UBR7: variants seen among roughly 807,000 people sequenced by gnomAD.
UBR7 encodes putative E3 ubiquitin-protein ligase UBR7.
Under a neutral mutation model 57.0 loss-of-function variants are expected in UBR7, and 22 were observed. That is an observed-to-expected ratio of 0.39 (90% CI 0.28 to 0.55). The LOEUF (loss-of-function observed/expected upper bound fraction) is 0.55. Ranked by LOEUF, UBR7 falls within the 20% of genes least tolerant of loss-of-function variation. The pLI is 0.69. For missense variants in UBR7, 395 were observed against 513.2 expected (o/e 0.77, Z 2.23); for synonymous variants, 167 against 179.8 (o/e 0.93, Z 0.57).
At chr14:93,217,030 T>C (rs543292924) in intron 6 of UBR7, among the ~76,000 whole-genome samples, 1 of 151,838 alleles carries the variant, frequency 6.6e-6, no homozygotes, top group South Asian at 2.1e-4. Context: ...ATTCATTGGG[T>C]TTTTTTGTTT....
rs1894640924 is a variant in UBR7 at position 93,218,652 on chromosome 14, C to G, written c.727C>G (p.Gln243Glu). 6.2e-7 allele frequency: 1 copy of G among 1,614,028 alleles called. No individual in the cohort carries two copies. Among genetic ancestry groups the G allele is most frequent in the African/African-American group, 1.3e-5 (1 of 74,978 alleles). Residue 243 changes from glutamine to glutamate, a missense_variant, in exon 7 of 11, where the codon CAG (glutamine) becomes GAG (glutamate). By Grantham distance (29) the Gln-to-Glu change is conservative. Transcript: ENST00000013070. Reference sequence around the variant, plus strand: ...TACCCTCAAAGAGGATGTTCCAGAACAGGGAAAGGATGATGTCCGGGAGGT... The same window carrying G: ...TACCCTCAAAGAGGATGTTCCAGAAGAGGGAAAGGATGATGTCCGGGAGGT... Reference protein sequence around the residue: ...DSTLKEDVPEQGKDDVREVKV... With the variant: ...DSTLKEDVPEEGKDDVREVKV...
rs201233800 is a variant in UBR7 at position 93,227,046 on chromosome 14, G to A, written c.*11G>A. On this transcript the variant is annotated 3_prime_UTR_variant, in exon 11 of 11. Coordinates refer to ENST00000013070, the MANE Select transcript of UBR7 (RefSeq NM_175748.4). ...TATTACTGCAGCTAGAGTGGAGTAT[G>A]AAGCTTTCTCATTCAAGCCAATGAA... 9.7e-4 allele frequency: 1,541 copies of A among 1,591,654 alleles called. 2 individuals carry two copies. The highest frequency in any genetic ancestry group is 1.3e-3 in the Non-Finnish European group (1,457 of 1,161,034).
chr14:93,215,925 TAGTC>T (rs1338805757), intron 6 of UBR7, among the ~76,000 whole-genome samples: 1 of 152,130 alleles, frequency 6.6e-6, no homozygotes, highest in Non-Finnish European at 1.5e-5. Flanking sequence ...GGTGGTGTCT[TAGTC>T]TGTCTGGGGT....
At chr14:93,215,078 A>G (rs1351212170) in intron 5 of UBR7, 96 bp downstream of exon 5, 1 of 1,411,398 alleles carries the variant, frequency 7.1e-7, no homozygotes, top group South Asian at 1.2e-5. Context: ...ATAAATTCTA[A>G]TGATATGATC....
rs546997225 is a variant in UBR7 at position 93,212,353 on chromosome 14, C to T, written c.441+226C>T. Among the ~76,000 whole-genome samples, 17 of 152,260 alleles carry T rather than the reference C, an allele frequency of 1.1e-4. No homozygotes were observed. In the South Asian group the frequency reaches 3.5e-3, roughly 32 times the overall value. ...GAATGAAATATTGGAGAGGACTTTC[C>T]CAAAGCCAGAGCTTCTTCCCTTCCT... On this transcript the variant is annotated intron_variant, in intron 4 of 10. Coordinates refer to ENST00000013070, the MANE Select transcript of UBR7 (RefSeq NM_175748.4).
In UBR7 at chr14:93,215,104, T is replaced by C. The variant is rs116931129; in HGVS notation, c.496-72T>C. 6 of 1,446,550 alleles carry C rather than the reference T, an allele frequency of 4.1e-6. No individual in the cohort carries two copies. The East Asian group carries it at 1.5e-4, about 36-fold the overall frequency. The allele number at this position is 1,446,550 out of a possible 1,614,324, so 89.6% of individuals were successfully genotyped here. A position where few individuals can be genotyped will look rare whatever the true frequency, so the allele number is the denominator to read the frequency against. ...TGATATGATCAGTGTATTATTACAG[T>C]ATTTATAAAATAATGGGCATTTTGG... On this transcript the variant is annotated intron_variant, in intron 5 of 10. Coordinates refer to ENST00000013070, the MANE Select transcript of UBR7 (RefSeq NM_175748.4).
At chr14:93,224,147 TCTCCGCG>T in intron 10 of UBR7, 1 of 654,870 alleles carries the variant, frequency 1.5e-6, no homozygotes, top group Non-Finnish European at 2.7e-6. Context: ...CATGGCGTCC[TCTCCGCG>T]CTCGCCACCA....
rs1894933659 is a variant in UBR7 at position 93,228,981 on chromosome 14, T to A, written c.*1946T>A. ...TTAACTGGAAACCTCTTTTTTTACC[T>A]GTTGTTCACAACTAGTTTTCTTATT... On this transcript the variant is annotated 3_prime_UTR_variant, in exon 11 of 11. Transcript: ENST00000013070. 3 of 453,944 alleles carry A rather than the reference T, an allele frequency of 6.6e-6. No homozygotes were observed. The highest frequency in any genetic ancestry group is 1.6e-5 in the South Asian group (1 of 64,444). The allele number at this position is 453,944 out of a possible 1,614,324, so 28.1% of individuals were successfully genotyped here.
intron 10 of UBR7, chr14:93,223,737 G>A (rs545897362): frequency 1.7e-5 from 13 of 786,356 alleles, no homozygotes; most frequent in South Asian, 1.3e-4. Flanking sequence ...TGCTGGCTGC[G>A]ATCTCCTTCA....
chr14:93,222,602 G>A (rs1236847610), intron 10 of UBR7, among the ~76,000 whole-genome samples: 1 of 152,056 alleles, frequency 6.6e-6, no homozygotes, highest in Non-Finnish European at 1.5e-5. Context: ...AATTAGCCAG[G>A]CGTGGTGATG....
chr14:93,209,731 A>G lies in UBR7; in HGVS notation c.151-93A>G, dbSNP rs1266980637. 8.2e-6 allele frequency: 12 copies of G among 1,464,258 alleles called. No homozygotes were observed. The African/African-American group carries it at 1.7e-4, about 20-fold the overall frequency. The allele number at this position is 1,464,258 out of a possible 1,614,324, so 90.7% of individuals were successfully genotyped here. On this transcript the variant is annotated intron_variant, in intron 1 of 10. Transcript: ENST00000013070. ...TTACAGAAAGATCTTGACCACAGAT[A>G]ATCTGATTTTAATTATTTTTCAGTT... is the stretch of plus-strand genomic sequence containing the variant.
intron 1 of UBR7, among the ~76,000 whole-genome samples, chr14:93,208,425 C>A (rs143097777): frequency 2.7e-5 from 4 of 150,518 alleles, no homozygotes; most frequent in East Asian, 2.0e-4. Flanking sequence ...TATTTTAAAA[C>A]CTTTGGTCAC....
chr14:93,217,647 T>A (rs189522844), intron 6 of UBR7, among the ~76,000 whole-genome samples: 1 of 152,306 alleles, frequency 6.6e-6, no homozygotes, highest in African/African-American at 2.4e-5. Context: ...GCTTAAGCAG[T>A]GATTGATATT....
intron 10 of UBR7, chr14:93,223,998 A>C: frequency 2.6e-6 from 2 of 770,762 alleles, no homozygotes; most frequent in Non-Finnish European, 4.5e-6. Flanking sequence ...TGAGATACGA[A>C]GTACCAGAAG....
chr14:93,218,425 A>T, intron 6 of UBR7, 102 bp from the exon 7 acceptor site: 1 of 1,018,258 alleles, frequency 9.8e-7, no homozygotes, highest in Non-Finnish European at 1.5e-6. Context: ...AAAAAAAAAT[A>T]ATAATAATAG....
intron 10 of UBR7, chr14:93,223,793 C>A: frequency 1.4e-6 from 1 of 739,712 alleles, no homozygotes. Flanking sequence ...TGCCAGGCGC[C>A]CATAGACCTC....
At chr14:93,221,929 T>A (rs536318668) in intron 9 of UBR7, among the ~76,000 whole-genome samples, 13 of 152,198 alleles carry the variant, frequency 8.5e-5, no homozygotes, top group African/African-American at 2.9e-4. Context: ...CCAGCCTGGG[T>A]GACAGAGTGA....
At chr14:93,216,619 CT>C (rs113180560) in intron 6 of UBR7, among the ~76,000 whole-genome samples, 276 of 140,596 alleles carry the variant, frequency 2.0e-3, no homozygotes, top group Non-Finnish European at 2.3e-3. Flanking sequence ...GTTTTTCTGC[CT>C]TTTTTTTTTT....
intron 4 of UBR7, among the ~76,000 whole-genome samples, chr14:93,214,547 G>T (rs1894553421): frequency 6.6e-6 from 1 of 152,188 alleles, no homozygotes. Context: ...GAAAGGCATT[G>T]TCTAATTTTT....
Sources: allele counts gnomAD v4.1 joint callset (sites outside exome capture counted in the v4.1 genomes callset), GRCh38; gene constraint gnomAD v4.1.1; transcripts MANE v1.5; gene names NCBI Gene and HGNC (gene_info 2026-07-23, HGNC 2026-07-21).